The following LAMA3 variants were observed in gnomAD, a reference collection of about 807,000 sequenced individuals.
LAMA3 encodes the protein laminin subunit alpha-3.
In LAMA3, 281 loss-of-function variants were observed where a neutral mutation model predicts 402.0. The observed-to-expected ratio is 0.70, with a 90% CI of 0.63 to 0.77. The LOEUF is 0.77. Ranked by LOEUF, LAMA3 falls within the 30% of genes least tolerant of loss-of-function variation. The pLI is 0.00. For missense variants in LAMA3, 3,840 were observed against 4,215.5 expected (o/e 0.91, Z 2.47); for synonymous variants, 1,431 against 1,558.4 (o/e 0.92, Z 1.93).
intron 23 of LAMA3, among the ~76,000 whole-genome samples, chr18:23,829,125 A>C (rs912601865): frequency 6.6e-6 from 1 of 152,232 alleles, no homozygotes; most frequent in Non-Finnish European, 1.5e-5. Context: ...ACATAGACTT[A>C]TATCAGTTTA....
intron 35 of LAMA3, among the ~76,000 whole-genome samples, chr18:23,863,936 G>A (rs2064287521): frequency 6.6e-6 from 1 of 152,192 alleles, no homozygotes; most frequent in Non-Finnish European, 1.5e-5. Context: ...AGAGGTCTGT[G>A]CACCTGCTGG....
intron 2 of LAMA3, among the ~76,000 whole-genome samples, chr18:23,715,343 A>G (rs2061078844): frequency 6.6e-6 from 1 of 152,080 alleles, no homozygotes; most frequent in African/African-American, 2.4e-5. Context: ...AAGGAGGGAG[A>G]AAATAACTGT....
chr18:23,711,094 A>G (rs1030612106), intron 1 of LAMA3, among the ~76,000 whole-genome samples: 6 of 152,148 alleles, frequency 3.9e-5, no homozygotes, highest in Non-Finnish European at 5.9e-5. Flanking sequence ...CTGTCTGTCA[A>G]GGTTTTTTCC....
chr18:23,756,028 C>T (rs940359944), intron 6 of LAMA3, among the ~76,000 whole-genome samples: 2 of 152,164 alleles, frequency 1.3e-5, no homozygotes, highest in Non-Finnish European at 2.9e-5. Context: ...ATTCTTGAAG[C>T]AGTCTTCCCT....
intron 2 of LAMA3, among the ~76,000 whole-genome samples, chr18:23,727,252 T>C (rs1355698894): frequency 1.3e-5 from 2 of 152,262 alleles, no homozygotes; most frequent in East Asian, 3.8e-4. Flanking sequence ...ATCAGCTTAC[T>C]CTTTTAAATT....
At chr18:23,756,861 A>G (rs1478379636) in intron 6 of LAMA3, among the ~76,000 whole-genome samples, 1 of 151,764 alleles carries the variant, frequency 6.6e-6, no homozygotes, top group Admixed American at 6.6e-5. Context: ...CGTGGCAACC[A>G]TGTGCTCCCA....
At chr18:23,775,171 G>T (rs764096936) in intron 9 of LAMA3, among the ~76,000 whole-genome samples, 1 of 152,176 alleles carries the variant, frequency 6.6e-6, no homozygotes, top group Non-Finnish European at 1.5e-5. Flanking sequence ...GTCAAGGGAG[G>T]CCCCCAAGTG....
intron 6 of LAMA3, 49 bp downstream of exon 6, chr18:23,753,861 A>G: frequency 8.2e-7 from 1 of 1,225,218 alleles, no homozygotes; most frequent in Non-Finnish European, 1.2e-6. Context: ...ATTAAGTCTA[A>G]TTATTTCAGT....
chr18:23,771,253 C>G (rs1295438569), intron 8 of LAMA3, among the ~76,000 whole-genome samples: 1 of 152,096 alleles, frequency 6.6e-6, no homozygotes, highest in South Asian at 2.1e-4. Flanking sequence ...ATGGATGCAG[C>G]GACATGCAAG....
intron 54 of LAMA3, 51 bp from the exon 55 acceptor site, chr18:23,909,102 G>A (rs377604900): frequency 2.6e-6 from 4 of 1,552,180 alleles, no homozygotes; most frequent in Non-Finnish European, 3.6e-6. Flanking sequence ...TTTGTAGTTA[G>A]CCTTTTCTTA....
intron 8 of LAMA3, 149 bp from the exon 9 acceptor site, chr18:23,773,348 C>A: frequency 1.4e-6 from 1 of 706,580 alleles, no homozygotes; most frequent in South Asian, 1.6e-5. Flanking sequence ...TGGTCAAGGT[C>A]AAGATTAATG....
chr18:23,941,859 A>T (rs747896251), intron 68 of LAMA3, among the ~76,000 whole-genome samples: 5 of 152,202 alleles, frequency 3.3e-5, no homozygotes, highest in Non-Finnish European at 5.9e-5. Context: ...CCACATATGG[A>T]AAGTACATTC....
Position 23,816,498 on chromosome 18 carries a change from GGGA to G in LAMA3, c.2147+14_2147+16del. 6.2e-7 allele frequency: 1 copy of G among 1,607,374 alleles called. No individual in the cohort carries two copies. The highest frequency in any genetic ancestry group is 8.5e-7 in the Non-Finnish European group (1 of 1,174,456). On this transcript the variant is annotated intron_variant, in intron 18 of 74. Coordinates refer to ENST00000313654, the MANE Select transcript of LAMA3 (RefSeq NM_198129.4). ...AAAGGTGTGCCAGCGGTGAGTCTTC[GGGA>G]GGCTTCTTCCCATGTTCAGGGTGTG...
At chr18:23,760,533 A>G (rs2061947007) in intron 7 of LAMA3, among the ~76,000 whole-genome samples, 1 of 152,214 alleles carries the variant, frequency 6.6e-6, no homozygotes, top group Non-Finnish European at 1.5e-5. Flanking sequence ...TAATGAATAT[A>G]TAGTCTGCCT....
intron 35 of LAMA3, among the ~76,000 whole-genome samples, chr18:23,864,316 T>C (rs1441923453): frequency 4.6e-4 from 69 of 151,538 alleles, no homozygotes; most frequent in Non-Finnish European, 1.8e-4. Flanking sequence ...AGCCTCAAAC[T>C]CCTGGGCTCA....
Position 23,689,495 on chromosome 18 carries a change from C to A in LAMA3, c.-189C>A. ...GTGCCCGCTCCAGCCGCGGCAGGTT[C>A]CAGAGCTGAGAGGCCACCCCCACGC... On this transcript the variant is annotated 5_prime_UTR_variant, in exon 1 of 75. Coordinates refer to ENST00000313654, the MANE Select transcript of LAMA3 (RefSeq NM_198129.4). 2.2e-6 allele frequency: 1 copy of A among 445,024 alleles called. No individual in the cohort carries two copies. The highest frequency in any genetic ancestry group is 3.6e-6 in the Non-Finnish European group (1 of 276,700). The allele number at this position is 445,024 out of a possible 1,614,324, so 27.6% of individuals were successfully genotyped here.
chr18:23,823,031 G>A (rs1249798760), intron 20 of LAMA3, among the ~76,000 whole-genome samples: 1 of 152,164 alleles, frequency 6.6e-6, no homozygotes, highest in African/African-American at 2.4e-5. Flanking sequence ...ACACAAAATG[G>A]CACCAATGGA....
chr18:23,932,046 AGT>A, intron 65 of LAMA3, 112 bp from the exon 66 acceptor site: 1 of 1,245,206 alleles, frequency 8.0e-7, no homozygotes. Context: ...TAGTTTCACT[AGT>A]TATTTTAGAT....
chr18:23,915,236 T>C lies in LAMA3; in HGVS notation c.7645-53T>C. On this transcript the variant is annotated intron_variant, in intron 58 of 74. Coordinates refer to ENST00000313654, the MANE Select transcript of LAMA3 (RefSeq NM_198129.4). ...GTTAAAAGTGATTAATTGATACTAT[T>C]TTGATTATTGTCCTTTGTTCAATTG... 3 of 1,591,904 alleles carry C rather than the reference T, an allele frequency of 1.9e-6. No individual in the cohort carries two copies. The South Asian group carries it at 3.3e-5, about 18-fold the overall frequency.
Sources: allele counts gnomAD v4.1 joint callset (sites outside exome capture counted in the v4.1 genomes callset), GRCh38; gene constraint gnomAD v4.1.1; transcripts MANE v1.5; gene names NCBI Gene and HGNC (gene_info 2026-07-23, HGNC 2026-07-21).